PRCD: variants seen among roughly 807,000 people sequenced by gnomAD.
The protein encoded by PRCD is photoreceptor disc component.
Under a neutral mutation model 10.1 loss-of-function variants are expected in PRCD, and 12 were observed. The ratio of observed to expected loss-of-function variants is 1.18; its 90% CI spans 0.76 to 1.92. The LOEUF (loss-of-function observed/expected upper bound fraction) is 1.92, where lower values mean the gene tolerates loss of function less well. Among genes scored for constraint, PRCD ranks in the 40% most tolerant of loss-of-function variants. The pLI, the probability that PRCD is intolerant of heterozygous loss-of-function variation, is 0.00. For missense variants in PRCD, 61 were observed against 72.2 expected, an observed-to-expected ratio of 0.84 and a Z score of 0.56; for synonymous variants, 31 against 26.2, an observed-to-expected ratio of 1.18 and a Z score of -0.56.
chr17:76,533,826 T>C lies in PRCD; in HGVS notation n.45+5993T>C, dbSNP rs983360657. 2.6e-5 allele frequency among the ~76,000 whole-genome samples: 4 copies of C among 152,128 alleles called. No homozygotes were observed. Among genetic ancestry groups the C allele is most frequent in the African/African-American group, 9.7e-5 (4 of 41,430 alleles). On this transcript the variant is annotated intron_variant and non_coding_transcript_variant, in intron 1 of 4. Coordinates refer to the PRCD transcript ENST00000397633. This position sits in a 1 kb window ranked among gnomAD's most constrained non-coding sequence, Gnocchi z 4.5. ...AGGAAGATCACTTGAGGCCAGGAGT[T>C]TGAGACCAGCCTGGGCAACATAGTG...
intron 1 of PRCD, chr17:76,550,997 C>T (rs1260882491): frequency 6.6e-6 from 1 of 152,206 alleles, no homozygotes; most frequent in African/African-American, 2.4e-5. Flanking sequence ...TGACCTTTGC[C>T]AAGGTTACTC....
At chr17:76,550,628 A>G (rs2075100904) in intron 1 of PRCD, 2 of 152,360 alleles carry the variant, frequency 1.3e-5, no homozygotes, top group South Asian at 4.1e-4. Context: ...ACATGGGTCT[A>G]TACACTTATT....
chr17:76,540,265 A>AGG lies in PRCD; in HGVS notation c.74+50_74+51insGG. ...TGGCGGTTGGTCGGGGGGGGGGGGC[A>AGG]TGGGGCTGGGCTGCCACCAAGCTGA... On this transcript the variant is annotated intron_variant, in intron 1 of 4. Transcript: ENST00000592014. This position sits in a 1 kb window ranked among gnomAD's most constrained non-coding sequence, Gnocchi z 5.0. 1 of 424,662 alleles carries AGG rather than the reference A, an allele frequency of 2.4e-6. No individual in the cohort carries two copies. The highest frequency in any genetic ancestry group is 4.2e-6 in the Non-Finnish European group (1 of 237,606). 26.3% of individuals were successfully genotyped at this position (424,662 alleles called of 1,614,324 possible).
At chr17:76,545,492 G>T, downstream of PRCD, 1 of 407,174 alleles carries the variant, frequency 2.5e-6, no homozygotes. Context: ...GCTAGAGAGG[G>T]AGAGCTGAGC....
At position 76,544,621 on chromosome 17, in the gene PRCD, C is replaced by G; in HGVS notation, c.*971C>G. The G allele has an allele frequency of 2.2e-6, 1 of 456,804 alleles. No homozygotes were observed. The allele number at this position is 456,804 out of a possible 1,614,324, so 28.3% of individuals were successfully genotyped here. A position where few individuals can be genotyped will look rare whatever the true frequency, so the allele number is the denominator to read the frequency against. On this transcript the variant is annotated 3_prime_UTR_variant, in exon 5 of 5. Transcript: ENST00000592014. ...AGGCCGTGAGCCCGTGATCGCCTGTCTCAGCTCCTGTCAGCCTGTCTCTCT... is the reference window on the plus strand; with the variant it reads ...AGGCCGTGAGCCCGTGATCGCCTGTGTCAGCTCCTGTCAGCCTGTCTCTCT...
chr17:76,535,745 G>C (rs2074906921), upstream of PRCD, among the ~76,000 whole-genome samples: 1 of 152,228 alleles, frequency 6.6e-6, no homozygotes, highest in African/African-American at 2.4e-5. Context: ...CCTGGCCTCG[G>C]TGTTTCGTTT....
At chr17:76,534,379 A>T (rs1388528658) in intron 1 of PRCD, among the ~76,000 whole-genome samples, 1 of 152,100 alleles carries the variant, frequency 6.6e-6, no homozygotes, top group Non-Finnish European at 1.5e-5. Flanking sequence ...GGGTTTCGCC[A>T]TGCTGGCCAG....
At chr17:76,552,788 C>T (rs2075119212) in intron 1 of PRCD, 1 of 147,228 alleles carries the variant, frequency 6.8e-6, no homozygotes, top group Non-Finnish European at 1.5e-5. Context: ...CACATGAATC[C>T]AGGAGGTAGA....
chr17:76,534,732 G>A (rs2074896479), intron 1 of PRCD, among the ~76,000 whole-genome samples: 1 of 152,200 alleles, frequency 6.6e-6, no homozygotes, highest in Non-Finnish European at 1.5e-5. Context: ...ACACTGCCTG[G>A]AGAGACAGCT....
intron 1 of PRCD, chr17:76,529,041 T>TGGGGGGGGGGGGGGGGGG: frequency 1.6e-5 from 13 of 834,186 alleles, no homozygotes; most frequent in Non-Finnish European, 1.8e-5. Context: ...CTGCAGTCAT[T>TGGGGGGGGGGGGGGGGGG]GCGCCCCCCC....
chr17:76,528,404 C>T lies in PRCD; in HGVS notation n.45+571C>T. The T allele has an allele frequency of 1.8e-6, 1 of 546,230 alleles. No homozygotes were observed. The highest frequency in any genetic ancestry group is 2.8e-6 in the Non-Finnish European group (1 of 354,080). 33.8% of individuals were successfully genotyped at this position (546,230 alleles called of 1,614,324 possible). A position where few individuals can be genotyped will look rare whatever the true frequency, so the allele number is the denominator to read the frequency against. On this transcript the variant is annotated intron_variant and non_coding_transcript_variant, in intron 1 of 4. Coordinates refer to the PRCD transcript ENST00000397633. This position sits in a 1 kb window ranked among gnomAD's most constrained non-coding sequence, Gnocchi z 5.8. The stretch of plus-strand genomic sequence containing the variant: ...GTCAGCATCCAGGCAGCCAGCGCCG[C>T]CTCCCAGCAGCTCCAGGGGGGGACC...
At chr17:76,535,332 G>A (rs2074903036), upstream of PRCD, among the ~76,000 whole-genome samples, 1 of 152,200 alleles carries the variant, frequency 6.6e-6, no homozygotes, top group Non-Finnish European at 1.5e-5. Context: ...TTGAGGATGT[G>A]TATGTTGTGT....
In PRCD at chr17:76,530,477, T is replaced by G. The variant is rs528250404; in HGVS notation, n.45+2644T>G. On this transcript the variant is annotated intron_variant and non_coding_transcript_variant, in intron 1 of 4. Transcript: ENST00000397633. This position sits in a 1 kb window ranked among gnomAD's most constrained non-coding sequence, Gnocchi z 6.1. ...CATGTAGCTTCCTCGTGGGCTGGGG[T>G]GTGTGTGTGTGTGTATGTGTCCTCG... 3.4e-4 allele frequency among the ~76,000 whole-genome samples: 52 copies of G among 150,894 alleles called. No individual in the cohort carries two copies. Among genetic ancestry groups the G allele is most frequent in the African/African-American group, 7.3e-4 (30 of 41,116 alleles).
Position 76,528,668 on chromosome 17 carries a change from C to CG in PRCD, n.45+840dup, listed in dbSNP as rs1304572380. The CG allele has an allele frequency of 1.3e-5, 16 of 1,247,738 alleles. No individual in the cohort carries two copies. Among genetic ancestry groups the CG allele is most frequent in the Non-Finnish European group, 1.6e-5 (16 of 985,316 alleles). 77.3% of individuals were successfully genotyped at this position (1,247,738 alleles called of 1,614,324 possible). On this transcript the variant is annotated intron_variant and non_coding_transcript_variant, in intron 1 of 4. Coordinates refer to the PRCD transcript ENST00000397633. This position sits in a 1 kb window ranked among gnomAD's most constrained non-coding sequence, Gnocchi z 5.8. ...GTTACCAGAGGCAGGGAAGGACCCT[C>CG]GGGGGAAAGGGGGAGGACCTGGGGC... is the stretch of plus-strand genomic sequence containing the variant.
At chr17:76,546,941 C>T (rs1041213935), downstream of PRCD, 1 of 152,182 alleles carries the variant, frequency 6.6e-6, no homozygotes, top group Non-Finnish European at 1.5e-5. This position sits in a 1 kb window ranked among gnomAD's most constrained non-coding sequence, Gnocchi z 4.5. Context: ...AAATCTGACA[C>T]CAAAGCTTGG....
chr17:76,531,276 G>T lies in PRCD; in HGVS notation n.45+3443G>T. The T allele has an allele frequency of 8.2e-7, 1 of 1,223,772 alleles. No individual in the cohort carries two copies. Among genetic ancestry groups the T allele is most frequent in the Non-Finnish European group, 1.1e-6 (1 of 879,246 alleles). The allele number at this position is 1,223,772 out of a possible 1,614,324, so 75.8% of individuals were successfully genotyped here. On this transcript the variant is annotated intron_variant and non_coding_transcript_variant, in intron 1 of 4. Coordinates refer to the PRCD transcript ENST00000397633. This position sits in a 1 kb window ranked among gnomAD's most constrained non-coding sequence, Gnocchi z 7.4. ...AGTCTGGCAGCTTTGGGAACCCCGT[G>T]CTCTCAGGACAAGGGTTGCCCTGGA... is the stretch of plus-strand genomic sequence containing the variant.
At chr17:76,553,028 G>T (rs989101427) in intron 1 of PRCD, 1 of 151,666 alleles carries the variant, frequency 6.6e-6, no homozygotes, top group Non-Finnish European at 1.5e-5. Context: ...AAGTTCAGGG[G>T]TGTTGGGACT....
downstream of PRCD, among the ~76,000 whole-genome samples, chr17:76,549,617 T>G (rs567810486): frequency 1.4e-4 from 22 of 152,278 alleles, no homozygotes; most frequent in African/African-American, 5.1e-4. Context: ...CAAAAAAGAC[T>G]GCAAAGATGT....
chr17:76,543,661 C>T, intron 4 of PRCD, 142 bp from the exon 5 acceptor site: 1 of 427,968 alleles, frequency 2.3e-6, no homozygotes. Flanking sequence ...TAACAGTTTG[C>T]AGGGGTTGGG....
Sources: allele counts gnomAD v4.1 joint callset (sites outside exome capture counted in the v4.1 genomes callset), GRCh38; gene constraint gnomAD v4.1.1; non-coding constraint Gnocchi (gnomAD v3.1); transcripts MANE v1.5; gene names NCBI Gene and HGNC (gene_info 2026-07-23, HGNC 2026-07-21).